Variants in SDK1 observed in about 807,000 individuals in gnomAD.
SDK1 encodes the protein protein sidekick-1.
Under a neutral mutation model 245.5 loss-of-function variants are expected in SDK1, and 157 were observed. The ratio of observed to expected loss-of-function variants is 0.64; its 90% confidence interval spans 0.56 to 0.73. The LOEUF (loss-of-function observed/expected upper bound fraction) is 0.73. Ranked by LOEUF, SDK1 falls within the 30% of genes least tolerant of loss-of-function variation. The pLI is 0.00. For missense variants in SDK1, 3,583 were observed against 3,002.3 expected, an observed-to-expected ratio of 1.19 and a Z score of -4.52; for synonymous variants, 1,647 against 1,278.5, an observed-to-expected ratio of 1.29 and a Z score of -6.15.
chr7:3,613,650 A>C (rs1332860889), intron 1 of SDK1, among the ~76,000 whole-genome samples: 2 of 152,248 alleles, frequency 1.3e-5, no homozygotes, highest in African/African-American at 4.8e-5. Flanking sequence ...GTATACACCC[A>C]GAGGAATATA....
chr7:4,035,554 T>G (rs1788147815), intron 17 of SDK1, among the ~76,000 whole-genome samples: 1 of 152,196 alleles, frequency 6.6e-6, no homozygotes, highest in Admixed American at 6.5e-5. Flanking sequence ...TGCATGAGTA[T>G]TGTGGGGCTA....
intron 35 of SDK1, among the ~76,000 whole-genome samples, chr7:4,203,855 C>T (rs1435659598): frequency 6.6e-6 from 1 of 152,266 alleles, no homozygotes; most frequent in Non-Finnish European, 1.5e-5. Flanking sequence ...AGTAATTTTA[C>T]GGTCCAGAAG....
intron 35 of SDK1, among the ~76,000 whole-genome samples, chr7:4,193,012 A>G (rs1006475371): frequency 1.4e-5 from 2 of 144,242 alleles, no homozygotes; most frequent in African/African-American, 2.5e-5. Context: ...TATATAATAT[A>G]TAAAAATATA....
chr7:4,095,297 C>A (rs545459679), intron 22 of SDK1, among the ~76,000 whole-genome samples: 3 of 148,896 alleles, frequency 2.0e-5, no homozygotes, highest in Non-Finnish European at 4.5e-5. Context: ...TCAGCTCCCC[C>A]ACATCTGAGC....
At position 3,843,843 on chromosome 7, in the gene SDK1, G is replaced by T. The variant is rs1017941901; in HGVS notation, c.847+22260G>T. On this transcript the variant is annotated intron_variant, in intron 5 of 44. Coordinates refer to ENST00000404826, the MANE Select transcript of SDK1 (RefSeq NM_152744.4). ...TTTTGTTTGATGAGCACAACAAAAT[G>T]AAATAAAATCTTATAAAATAGATAT... Among the ~76,000 whole-genome samples the T allele has an allele frequency of 2.6e-5, 4 of 152,052 alleles. No individual in the cohort carries two copies. The South Asian group carries it at 8.3e-4, about 32-fold the overall frequency.
At position 3,787,237 on chromosome 7, in the gene SDK1, CT is replaced by C. The variant is rs1780932428; in HGVS notation, c.714-34208del. Among the ~76,000 whole-genome samples the C allele has an allele frequency of 2.0e-5, 3 of 151,436 alleles. No individual in the cohort carries two copies. In the South Asian group the frequency reaches 6.3e-4, roughly 32 times the overall value. ...TGGACTATTGCCGTTAGTCTTTCTCCTTTTTCCCACCTAATTACCTGACATT... is the reference window on the plus strand; with the variant it reads ...TGGACTATTGCCGTTAGTCTTTCTCCTTTTCCCACCTAATTACCTGACATT... On this transcript the variant is annotated intron_variant, in intron 4 of 44. Transcript: ENST00000404826.
intron 4 of SDK1, among the ~76,000 whole-genome samples, chr7:3,681,820 T>G (rs1183759909): frequency 6.6e-6 from 1 of 152,182 alleles, no homozygotes; most frequent in South Asian, 2.1e-4. Flanking sequence ...ATGAATTGGA[T>G]TAGAACAAAC....
intron 4 of SDK1, among the ~76,000 whole-genome samples, chr7:3,716,977 A>G (rs186551661): frequency 6.6e-6 from 1 of 152,146 alleles, no homozygotes; most frequent in Non-Finnish European, 1.5e-5. Context: ...TTCCTAAATT[A>G]TATTTGAAGT....
At chr7:4,155,788 C>G (rs1268931085) in intron 30 of SDK1, among the ~76,000 whole-genome samples, 2 of 152,104 alleles carry the variant, frequency 1.3e-5, no homozygotes. Context: ...TGAGCACCTC[C>G]TGGGTGTTCT....
chr7:4,101,209 T>C (rs1347768288), intron 22 of SDK1, among the ~76,000 whole-genome samples: 2 of 149,772 alleles, frequency 1.3e-5, no homozygotes, highest in Admixed American at 6.7e-5. Context: ...AGTGCAGTGG[T>C]GCGATCTCGG....
chr7:3,663,490 G>A (rs796347228), intron 4 of SDK1, among the ~76,000 whole-genome samples: 9 of 152,268 alleles, frequency 5.9e-5, no homozygotes, highest in Admixed American at 6.5e-5. Context: ...GATGTTGTCC[G>A]CTTAGAGGTT....
chr7:3,364,972 C>T (rs567170685), intron 1 of SDK1, among the ~76,000 whole-genome samples: 4 of 152,218 alleles, frequency 2.6e-5, no homozygotes, highest in African/African-American at 9.6e-5. Flanking sequence ...TATATGAGTC[C>T]TGTACATGTT....
chr7:4,117,007 C>A (rs1387313800), intron 25 of SDK1, among the ~76,000 whole-genome samples: 1 of 152,234 alleles, frequency 6.6e-6, no homozygotes, highest in East Asian at 1.9e-4. Flanking sequence ...TTTCAAAAAT[C>A]TCTGTTATCT....
At chr7:3,486,604 T>C (rs13236634) in intron 1 of SDK1, among the ~76,000 whole-genome samples, 2 of 152,144 alleles carry the variant, frequency 1.3e-5, no homozygotes, top group Admixed American at 6.5e-5. Context: ...GCTTTATTTG[T>C]TATGTATGTA....
In SDK1 at chr7:3,526,520, G is replaced by A. The variant is rs546253048; in HGVS notation, c.299-92560G>A. 1.3e-3 allele frequency among the ~76,000 whole-genome samples: 195 copies of A among 152,240 alleles called. 3 individuals carry two copies. Among genetic ancestry groups the A allele is most frequent in the African/African-American group, 4.4e-3 (184 of 41,542 alleles). On this transcript the variant is annotated intron_variant, in intron 1 of 44. Coordinates refer to ENST00000404826, the MANE Select transcript of SDK1 (RefSeq NM_152744.4). ...ATCTGAGTATATATCTTATGTGTGAGTGTGTCTCTGAATTTTTTTCATTGC... is the reference window on the plus strand; with the variant it reads ...ATCTGAGTATATATCTTATGTGTGAATGTGTCTCTGAATTTTTTTCATTGC...
intron 1 of SDK1, among the ~76,000 whole-genome samples, chr7:3,597,780 C>T (rs1781113807): frequency 6.6e-6 from 1 of 152,090 alleles, no homozygotes; most frequent in Non-Finnish European, 1.5e-5. Flanking sequence ...CTTTTTTCAC[C>T]CATCAAAATG....
At chr7:3,843,458 A>G (rs1355507929) in intron 5 of SDK1, among the ~76,000 whole-genome samples, 3 of 152,226 alleles carry the variant, frequency 2.0e-5, no homozygotes, top group Non-Finnish European at 4.4e-5. Flanking sequence ...CACCCGCAAA[A>G]TAGGACTTGA....
At chr7:3,650,404 T>G (rs1162720712) in intron 4 of SDK1, among the ~76,000 whole-genome samples, 4 of 152,202 alleles carry the variant, frequency 2.6e-5, no homozygotes, top group Admixed American at 2.6e-4. Flanking sequence ...GCTTTCTGTC[T>G]CTATGAATTT....
chr7:3,685,214 T>TA (rs35896405), intron 4 of SDK1, among the ~76,000 whole-genome samples: 30 of 148,930 alleles, frequency 2.0e-4, no homozygotes, highest in African/African-American at 5.4e-4. Context: ...AACATTAAGT[T>TA]AAAAAAAAAA....
Sources: allele counts gnomAD v4.1 joint callset (sites outside exome capture counted in the v4.1 genomes callset), GRCh38; gene constraint gnomAD v4.1.1; transcripts MANE v1.5; gene names NCBI Gene and HGNC (gene_info 2026-07-23, HGNC 2026-07-21).